Variants in BCAN observed in about 807,000 individuals in gnomAD.
BCAN encodes brevican core protein.
BCAN carries 51 observed loss-of-function variants against 92.4 expected under a neutral mutation model. The observed-to-expected ratio is 0.55, with a 90% CI of 0.44 to 0.70. The LOEUF (loss-of-function observed/expected upper bound fraction) is 0.70. Among genes scored for constraint, BCAN ranks in the 30% least tolerant of loss-of-function variants. BCAN has a pLI of 0.00. For synonymous variants in BCAN, 501 were observed against 505.2 expected, an observed-to-expected ratio of 0.99 and a Z score of 0.11; for missense variants, 1,140 against 1,212.1, an observed-to-expected ratio of 0.94 and a Z score of 0.88.
At chr1:156,646,396 G>A in intron 2 of BCAN, 1 of 511,746 alleles carries the variant, frequency 2.0e-6, no homozygotes, top group Non-Finnish European at 3.5e-6. Flanking sequence ...CTGAAGCTAG[G>A]AGGTGGGAAA....
chr1:156,655,325 A>G (rs1679293055), intron 8 of BCAN, among the ~76,000 whole-genome samples: 2 of 152,372 alleles, frequency 1.3e-5, no homozygotes, highest in South Asian at 2.1e-4. Context: ...AGCTAGATCC[A>G]GGCAACAGAT....
rs779248809 is a variant in BCAN, at chr1:156,659,104, C to T, written c.2706C>T (p.Ile902=). 5.3e-5 allele frequency: 85 copies of T among 1,588,842 alleles called. No individual in the cohort carries two copies. Among genetic ancestry groups the T allele is most frequent in the East Asian group, 1.1e-4 (5 of 44,084 alleles). The stretch of plus-strand genomic sequence containing the variant: ...TGGGACGCTGGAAGGCGCTGTTGAT[C>T]CCCCCTTCCAGCCCCATGCCAGGTC... ...RLLGRWKALL[I]PPSSPMPGP Residue 902 remains isoleucine, a synonymous_variant, in exon 14 of 14, where the codon ATC becomes ATT. Transcript: ENST00000329117.
intron 1 of BCAN, chr1:156,643,440 A>T (rs1203238386): frequency 6.6e-6 from 1 of 152,228 alleles, no homozygotes; most frequent in Non-Finnish European, 1.5e-5. Flanking sequence ...AGGGGGTAGC[A>T]GAGAGCTTCC....
Position 156,651,573 on chromosome 1 carries a change from A to G in BCAN, c.1181A>G (p.Gln394Arg), listed in dbSNP as rs1489132954. The G allele has an allele frequency of 1.9e-5, 31 of 1,613,984 alleles. 1 individual carries two copies. The highest frequency in any genetic ancestry group is 3.3e-5 in the South Asian group (3 of 91,084). ...TETLEELQLPQEATESESRGA... is the reference protein window; with the variant it reads ...TETLEELQLPREATESESRGA... ...ACCCTGGAGGAACTGCAGCTGCCTC[A>G]GGAAGCCACAGAGAGTGAATCCCGT... The change falls in exon 7 of 14, where the codon CAG becomes CGG. Residue 394 changes from glutamine (Q) to arginine (R), a missense_variant. Physicochemically the swap from Gln to Arg is conservative, Grantham distance 43. Transcript: ENST00000329117.
chr1:156,654,418 G>T (rs906452507), intron 8 of BCAN, among the ~76,000 whole-genome samples: 22 of 152,332 alleles, frequency 1.4e-4, no homozygotes, highest in African/African-American at 5.1e-4. Context: ...ACAATTGGAG[G>T]TATCTACAGT....
intron 1 of BCAN, among the ~76,000 whole-genome samples, chr1:156,645,761 G>A (rs1184047607): frequency 1.3e-5 from 2 of 152,214 alleles, no homozygotes; most frequent in African/African-American, 4.8e-5. Context: ...CAACTCATGA[G>A]ATAGTAATGA....
rs1418341506 is a variant in BCAN, at chr1:156,651,559, A to G, written c.1167A>G (p.Glu389=). Residue 389 remains glutamate (E), a synonymous_variant, in exon 7 of 14, where the codon GAA becomes GAG. Transcript: ENST00000329117. Reference sequence around the variant, plus strand: ...TCACAGTGACAGAGACCCTGGAGGAACTGCAGCTGCCTCAGGAAGCCACAG... The same window carrying G: ...TCACAGTGACAGAGACCCTGGAGGAGCTGCAGCTGCCTCAGGAAGCCACAG... ...AIVTVTETLE[E]LQLPQEATES... 3.7e-6 allele frequency: 6 copies of G among 1,613,976 alleles called. No individual in the cohort carries two copies. The highest frequency in any genetic ancestry group is 1.3e-5 in the African/African-American group (1 of 75,044).
chr1:156,657,168 T>A, intron 10 of BCAN, 72 bp downstream of exon 10: 2 of 1,564,750 alleles, frequency 1.3e-6, no homozygotes, highest in South Asian at 2.3e-5. Flanking sequence ...CTAACCGCCT[T>A]CCTCATTAAC....
rs1409071505 is a variant in BCAN at position 156,642,722 on chromosome 1, C to T, written c.-9+447C>T. 6.6e-6 allele frequency: 1 copy of T among 152,324 alleles called. No homozygotes were observed. Among genetic ancestry groups the T allele is most frequent in the Non-Finnish European group, 1.5e-5 (1 of 68,098 alleles). The allele number at this position is 152,324 out of a possible 1,614,324, so 9.4% of individuals were successfully genotyped here. On this transcript the variant is annotated intron_variant, in intron 1 of 13. Transcript: ENST00000329117. The surrounding 1 kb of genome is among the most constrained non-coding windows in gnomAD (Gnocchi z 4.2). The stretch of plus-strand genomic sequence containing the variant: ...GACACCTTACTGTAGTCCGGCAGGA[C>T]AGCCGATCAGAGCCGCTCTAGGGGG...
Position 156,658,784 on chromosome 1 carries a change from G to A in BCAN, c.2628+51G>A. On this transcript the variant is annotated intron_variant, in intron 13 of 13. Coordinates refer to ENST00000329117, the MANE Select transcript of BCAN (RefSeq NM_021948.5). The surrounding 1 kb of genome is among the most constrained non-coding windows in gnomAD (Gnocchi z 4.4). ...GAGTGGGAGACAGTAGCCAACAGTA[G>A]CCTTGGACTCCACTTAAAGTCCTGC... 6.2e-7 allele frequency: 1 copy of A among 1,605,930 alleles called. No homozygotes were observed. Among genetic ancestry groups the A allele is most frequent in the Non-Finnish European group, 8.5e-7 (1 of 1,174,284 alleles).
chr1:156,656,888 T>C, intron 9 of BCAN, 50 bp from the exon 10 acceptor site: 2 of 1,594,820 alleles, frequency 1.3e-6, no homozygotes, highest in Non-Finnish European at 8.6e-7. Flanking sequence ...CCAGGGGACC[T>C]GGCCCTCTGG....
chr1:156,647,208 GGGAGGGAGGGAA>G lies in BCAN; in HGVS notation c.466+36_466+47del. On this transcript the variant is annotated intron_variant, in intron 3 of 13. Coordinates refer to ENST00000329117, the MANE Select transcript of BCAN (RefSeq NM_021948.5). This position sits in a 1 kb window ranked among gnomAD's most constrained non-coding sequence, Gnocchi z 4.8. ...GGCAGGGAGGTTCCAGAGGGAGGGA[GGGAGGGAGGGAA>G]GGGAGGACTCTTGCCTTCGGGGATC... 6.8e-7 allele frequency: 1 copy of G among 1,473,554 alleles called. No individual in the cohort carries two copies. The highest frequency in any genetic ancestry group is 9.1e-7 in the Non-Finnish European group (1 of 1,099,856). The allele number at this position is 1,473,554 out of a possible 1,614,324, so 91.3% of individuals were successfully genotyped here. A position where few individuals can be genotyped will look rare whatever the true frequency, so the allele number is the denominator to read the frequency against.
At chr1:156,650,670 G>A (rs1246468373) in intron 6 of BCAN, among the ~76,000 whole-genome samples, 2 of 152,162 alleles carry the variant, frequency 1.3e-5, no homozygotes, top group Non-Finnish European at 2.9e-5. Context: ...AATTTTGGAG[G>A]CTCGGTGCAG....
At chr1:156,657,227 T>C (rs1053379396) in intron 10 of BCAN, 131 bp downstream of exon 10, 6 of 1,157,984 alleles carry the variant, frequency 5.2e-6, no homozygotes, top group Non-Finnish European at 7.2e-6. Context: ...CCTCACTCAT[T>C]CGTTCACTCC....
chr1:156,652,201 T>C (rs751586663), intron 7 of BCAN, 47 bp from the exon 8 acceptor site: 9 of 1,538,446 alleles, frequency 5.9e-6, no homozygotes, highest in Middle Eastern at 1.8e-4. Flanking sequence ...CTTTCGGTCC[T>C]TGGACAGACG....
rs183731868 is a variant in BCAN, at chr1:156,651,964, C to G, written c.1297+275C>G. Among the ~76,000 whole-genome samples, 16 of 152,334 alleles carry G rather than the reference C, an allele frequency of 1.1e-4. No individual in the cohort carries two copies. In the East Asian group the frequency reaches 2.9e-3, roughly 28 times the overall value. On this transcript the variant is annotated intron_variant, in intron 7 of 13. Coordinates refer to ENST00000329117, the MANE Select transcript of BCAN (RefSeq NM_021948.5). ...CTTCTTTGGTCCCTCTTCCGCCTCACACACCCAAAACAGACTAGAGTTTTG... is the reference window on the plus strand; with the variant it reads ...CTTCTTTGGTCCCTCTTCCGCCTCAGACACCCAAAACAGACTAGAGTTTTG...
At chr1:156,653,259 A>T in intron 8 of BCAN, 1 of 1,181,344 alleles carries the variant, frequency 8.5e-7, no homozygotes, top group Non-Finnish European at 1.0e-6. Context: ...ATTTTCCACT[A>T]CTCCCTTCAT....
chr1:156,646,451 A>T (rs952907248), intron 2 of BCAN: 5 of 492,450 alleles, frequency 1.0e-5, no homozygotes, highest in Non-Finnish European at 1.8e-5. Flanking sequence ...TAAAGGGAGC[A>T]GACTGGGAAA....
chr1:156,658,244 C>T lies in BCAN; in HGVS notation c.2410C>T (p.Leu804=), dbSNP rs1225903964. 1 of 1,614,076 alleles carries T rather than the reference C, an allele frequency of 6.2e-7. No individual in the cohort carries two copies. Among genetic ancestry groups the T allele is most frequent in the Admixed American group, 1.7e-5 (1 of 60,012 alleles). Residue 804 remains leucine, a synonymous_variant, in exon 12 of 14, where the codon CTG becomes TTG. Coordinates refer to ENST00000329117, the MANE Select transcript of BCAN (RefSeq NM_021948.5). The surrounding 1 kb of genome is among the most constrained non-coding windows in gnomAD (Gnocchi z 4.4). ...QWSDVPCNYH[L]SYTCKMGLVS... The stretch of plus-strand genomic sequence containing the variant: ...GAGTGACGTGCCCTGCAACTACCAC[C>T]TGTCCTACACCTGCAAGATGGGGCT...
Sources: gnomAD v4.1 joint callset for allele counts (sites outside exome capture counted in the v4.1 genomes callset) on GRCh38, gnomAD v4.1.1 for gene constraint, Gnocchi (gnomAD v3.1) non-coding constraint, MANE v1.5 for transcripts, NCBI Gene and HGNC (gene_info 2026-07-23, HGNC 2026-07-21) for gene names.